The following COL23A1 variants were observed in gnomAD, a reference collection of about 807,000 sequenced individuals.
COL23A1 encodes collagen alpha-1(XXIII) chain.
A neutral mutation model predicts 99.3 loss-of-function variants in COL23A1; 97 were observed. The ratio of observed to expected loss-of-function variants is 0.98; its 90% CI spans 0.83 to 1.16. The LOEUF (loss-of-function observed/expected upper bound fraction) is 1.16, where lower values mean the gene tolerates loss of function less well. Ranked by LOEUF, COL23A1 falls within the 50% of genes most tolerant of loss-of-function variation. The pLI, the probability that COL23A1 is intolerant of heterozygous loss-of-function variation, is 0.00. For synonymous variants in COL23A1, 320 were observed against 308.2 expected, an observed-to-expected ratio of 1.04 and a Z score of -0.40; for missense variants, 762 against 757.4, an observed-to-expected ratio of 1.01 and a Z score of -0.07.
chr5:178,288,585 G>A (rs1191478659), intron 4 of COL23A1: 3 of 612,428 alleles, frequency 4.9e-6, no homozygotes, highest in Non-Finnish European at 8.9e-6. Flanking sequence ...GGGGCTCCGG[G>A]CACAGTCACA....
chr5:178,559,319 T>C (rs918922828), intron 2 of COL23A1, among the ~76,000 whole-genome samples: 1 of 152,214 alleles, frequency 6.6e-6, no homozygotes, highest in Non-Finnish European at 1.5e-5. Flanking sequence ...TTCCGGACAC[T>C]TGGCTAATGG....
At chr5:178,329,309 T>C (rs1759872624) in intron 2 of COL23A1, among the ~76,000 whole-genome samples, 1 of 152,208 alleles carries the variant, frequency 6.6e-6, no homozygotes, top group Non-Finnish European at 1.5e-5. Flanking sequence ...TCGGCTTCCA[T>C]TGCTCAGACA....
intron 2 of COL23A1, among the ~76,000 whole-genome samples, chr5:178,358,765 ATGTGTG>A (rs529846601): frequency 1.4e-5 from 2 of 143,902 alleles, no homozygotes; most frequent in African/African-American, 5.3e-5. Flanking sequence ...GTGTGTGTGT[ATGTGTG>A]TGTATGTGTA....
chr5:178,486,433 C>T (rs147054853), intron 2 of COL23A1, among the ~76,000 whole-genome samples: 3 of 152,162 alleles, frequency 2.0e-5, no homozygotes, highest in South Asian at 2.1e-4. Context: ...AGTCTCAGAG[C>T]GCACTGCGTA....
At chr5:178,345,313 C>CT in intron 2 of COL23A1, 1 of 406,708 alleles carries the variant, frequency 2.5e-6, no homozygotes, top group Non-Finnish European at 4.7e-6. Flanking sequence ...TCACTTGGAG[C>CT]AATTCGGAAG....
rs1756564294 is a variant in COL23A1 at position 178,468,605 on chromosome 5, C to T, written c.361+92077G>A. Among the ~76,000 whole-genome samples the T allele has an allele frequency of 9.3e-6, 1 of 107,350 alleles. No individual in the cohort carries two copies. The highest frequency in any genetic ancestry group is 8.5e-5 in the Admixed American group (1 of 11,748). The allele number at this position is 107,350 out of a possible 152,430, so 70.4% of individuals were successfully genotyped here. A position where few individuals can be genotyped will look rare whatever the true frequency, so the allele number is the denominator to read the frequency against. On this transcript the variant is annotated intron_variant, in intron 2 of 28. Transcript: ENST00000390654. This position sits in a 1 kb window ranked among gnomAD's most constrained non-coding sequence, Gnocchi z 4.2. The stretch of plus-strand genomic sequence containing the variant: ...GCCACACGCAGAGCAGCTTCCCCTC[C>T]CCTCGAGTCCCCCCAGGCAGCCTGG...
chr5:178,274,854 G>A (rs1756497892), intron 5 of COL23A1, among the ~76,000 whole-genome samples: 1 of 152,198 alleles, frequency 6.6e-6, no homozygotes, highest in Non-Finnish European at 1.5e-5. Flanking sequence ...TCCCCTGCCT[G>A]ATCAAAGCCC....
chr5:178,351,522 G>A (rs1424921067), intron 2 of COL23A1, among the ~76,000 whole-genome samples: 3 of 152,178 alleles, frequency 2.0e-5, no homozygotes, highest in Non-Finnish European at 4.4e-5. Flanking sequence ...GGACCCCCAG[G>A]GGCCAGTGAG....
chr5:178,486,789 A>G (rs1428937367), intron 2 of COL23A1, among the ~76,000 whole-genome samples: 1 of 152,238 alleles, frequency 6.6e-6, no homozygotes, highest in East Asian at 1.9e-4. Context: ...TGGAAGGCAC[A>G]CTTAAGAGTG....
chr5:178,454,845 A>G (rs543793071), intron 2 of COL23A1, among the ~76,000 whole-genome samples: 4 of 152,372 alleles, frequency 2.6e-5, no homozygotes, highest in Non-Finnish European at 5.9e-5. Flanking sequence ...GGTGTGGGTT[A>G]AACGGCAGGA....
intron 2 of COL23A1, chr5:178,345,097 T>C: frequency 3.4e-6 from 2 of 592,746 alleles, no homozygotes; most frequent in South Asian, 1.5e-5. Flanking sequence ...TTCCTGGTAA[T>C]TGGCACGACA....
chr5:178,357,832 ATGTGTG>A (rs200338482), intron 2 of COL23A1, among the ~76,000 whole-genome samples: 2 of 138,850 alleles, frequency 1.4e-5, no homozygotes, highest in African/African-American at 5.5e-5. Flanking sequence ...GTTTATGTGT[ATGTGTG>A]TGTATGTCTA....
intron 2 of COL23A1, among the ~76,000 whole-genome samples, chr5:178,496,610 AT>A (rs1758213509): frequency 6.6e-6 from 1 of 152,234 alleles, no homozygotes; most frequent in Admixed American, 6.5e-5. Flanking sequence ...TAAAAGAGCT[AT>A]TTAGGTAGAT....
At position 178,342,608 on chromosome 5, in the gene COL23A1, G is replaced by A. The variant is rs569208330; in HGVS notation, c.362-35689C>T. Among the ~76,000 whole-genome samples the A allele has an allele frequency of 2.6e-5, 4 of 152,370 alleles. No homozygotes were observed. The South Asian group carries it at 8.3e-4, about 32-fold the overall frequency. Reference sequence around the variant, plus strand: ...GCTCCCTGCTGAGTTTGGCTGTGCAGCAGTGGCTCTGTGTGTAAATGCTGG... The same window carrying A: ...GCTCCCTGCTGAGTTTGGCTGTGCAACAGTGGCTCTGTGTGTAAATGCTGG... On this transcript the variant is annotated intron_variant, in intron 2 of 28. Transcript: ENST00000390654.
At chr5:178,498,210 A>ATC (rs1303519653) in intron 2 of COL23A1, among the ~76,000 whole-genome samples, 5 of 16,516 alleles carry the variant, frequency 3.0e-4, no homozygotes, top group Non-Finnish European at 3.8e-4. Flanking sequence ...ATTTAAATAT[A>ATC]TATATATATA....
intron 27 of COL23A1, among the ~76,000 whole-genome samples, 160 bp from the exon 28 acceptor site, chr5:178,239,339 C>T (rs1764270206): frequency 6.6e-6 from 1 of 152,184 alleles, no homozygotes; most frequent in African/African-American, 2.4e-5. Flanking sequence ...CCTCTGTCCA[C>T]CCAGGTAGTG....
At chr5:178,335,932 A>G (rs1760292751) in intron 2 of COL23A1, among the ~76,000 whole-genome samples, 1 of 152,260 alleles carries the variant, frequency 6.6e-6, no homozygotes, top group Non-Finnish European at 1.5e-5. Flanking sequence ...TGGGATAAGC[A>G]AATAGCCTTG....
intron 5 of COL23A1, among the ~76,000 whole-genome samples, chr5:178,287,379 G>T (rs1441796210): frequency 6.6e-6 from 1 of 152,222 alleles, no homozygotes; most frequent in Non-Finnish European, 1.5e-5. Flanking sequence ...CCAAGTCCTG[G>T]AGGGCTGGGT....
At chr5:178,247,134 C>T (rs1037166662) in intron 22 of COL23A1, among the ~76,000 whole-genome samples, 14 of 143,540 alleles carry the variant, frequency 9.8e-5, no homozygotes, top group Non-Finnish European at 1.7e-4. Context: ...AGACTTTGTG[C>T]TTAGACTGTG....
Sources: allele counts gnomAD v4.1 joint callset (sites outside exome capture counted in the v4.1 genomes callset), GRCh38; gene constraint gnomAD v4.1.1; non-coding constraint Gnocchi (gnomAD v3.1); transcripts MANE v1.5; gene names NCBI Gene and HGNC (gene_info 2026-07-23, HGNC 2026-07-21).